PDE4B: variants seen among roughly 807,000 people sequenced by gnomAD.
PDE4B encodes the protein phosphodiesterase 4B.
A neutral mutation model predicts 82.2 loss-of-function variants in PDE4B; 20 were observed. That is an observed-to-expected ratio of 0.24 (90% CI 0.17 to 0.35). The LOEUF is 0.35. Among genes scored for constraint, PDE4B ranks in the 10% least tolerant of loss-of-function variants. The pLI, the probability that PDE4B is intolerant of heterozygous loss-of-function variation, is 1.00. For synonymous variants in PDE4B, 320 were observed against 318.9 expected (o/e 1.00, Z -0.04); for missense variants, 655 against 907.2 (o/e 0.72, Z 3.57).
chr1:66,305,663 A>G (rs1658221815), intron 7 of PDE4B, among the ~76,000 whole-genome samples: 1 of 152,108 alleles, frequency 6.6e-6, no homozygotes, highest in Non-Finnish European at 1.5e-5. Flanking sequence ...GAAGCAATTT[A>G]ATTTGGTGTT....
At chr1:66,252,844 TAGC>T (rs1329338148) in intron 4 of PDE4B, among the ~76,000 whole-genome samples, 1 of 152,118 alleles carries the variant, frequency 6.6e-6, no homozygotes, top group Non-Finnish European at 1.5e-5. Context: ...GAGGCTGAGA[TAGC>T]AGGATCACTT....
intron 9 of PDE4B, among the ~76,000 whole-genome samples, chr1:66,361,310 A>G (rs1662750378): frequency 6.6e-6 from 1 of 152,140 alleles, no homozygotes; most frequent in African/African-American, 2.4e-5. Flanking sequence ...CCCCTAAATT[A>G]CACTGAAAAC....
In PDE4B at chr1:66,374,137, T is replaced by C. The variant is rs1217394897; in HGVS notation, c.*1459T>C. ...ACTACATTTGCTCACAGATGATTCT[T>C]CTGAATGCTCCCGAACTACTGACTT... On this transcript the variant is annotated 3_prime_UTR_variant, in exon 17 of 17. Transcript: ENST00000341517. The C allele has an allele frequency of 6.6e-6, 1 of 152,660 alleles. No homozygotes were observed. The highest frequency in any genetic ancestry group is 1.5e-5 in the Non-Finnish European group (1 of 68,034). The allele number at this position is 152,660 out of a possible 1,614,324, so 9.5% of individuals were successfully genotyped here.
intron 3 of PDE4B, among the ~76,000 whole-genome samples, chr1:66,117,688 C>A (rs1259320242): frequency 6.6e-6 from 1 of 152,084 alleles, no homozygotes; most frequent in Non-Finnish European, 1.5e-5. Context: ...TTCTGGGATC[C>A]TGGCAGTCCA....
At chr1:66,048,285 T>G (rs568939171) in intron 3 of PDE4B, among the ~76,000 whole-genome samples, 1 of 151,984 alleles carries the variant, frequency 6.6e-6, no homozygotes, top group Admixed American at 6.6e-5. Context: ...CTCCAAGTCT[T>G]ATAGATGAGC....
intron 1 of PDE4B, among the ~76,000 whole-genome samples, chr1:65,903,600 T>A (rs943185782): frequency 3.6e-4 from 55 of 152,014 alleles, no homozygotes; most frequent in Non-Finnish European, 7.4e-5. Flanking sequence ...TTAAAAAATT[T>A]AAAAAAACAA....
At chr1:66,308,362 T>C (rs1658431793) in intron 7 of PDE4B, among the ~76,000 whole-genome samples, 1 of 152,164 alleles carries the variant, frequency 6.6e-6, no homozygotes, top group Admixed American at 6.5e-5. Context: ...AAGTATCATA[T>C]GCAGAGAGAA....
chr1:66,267,096 T>C (rs1655107748), intron 7 of PDE4B: 2 of 154,182 alleles, frequency 1.3e-5, no homozygotes, highest in Admixed American at 1.3e-4. Context: ...TATTGGCTCA[T>C]TGGCTTCTGA....
chr1:66,189,104 G>T (rs1234855632), intron 3 of PDE4B, among the ~76,000 whole-genome samples: 5 of 151,844 alleles, frequency 3.3e-5, no homozygotes, highest in Non-Finnish European at 7.4e-5. Context: ...GCTTAGTTTG[G>T]CTGGATATGA....
chr1:66,332,703 A>C, intron 8 of PDE4B, 83 bp downstream of exon 8: 1 of 1,069,436 alleles, frequency 9.4e-7, no homozygotes, highest in Non-Finnish European at 1.4e-6. Flanking sequence ...AGCAGAGTGC[A>C]CCAGGGAATG....
At chr1:66,108,135 C>T (rs1365285030) in intron 3 of PDE4B, among the ~76,000 whole-genome samples, 1 of 151,892 alleles carries the variant, frequency 6.6e-6, no homozygotes, top group African/African-American at 2.4e-5. Context: ...AAAGAGTCAT[C>T]AGGCTGTGCA....
At chr1:65,969,835 G>C (rs1336060357) in intron 3 of PDE4B, among the ~76,000 whole-genome samples, 1 of 151,714 alleles carries the variant, frequency 6.6e-6, no homozygotes, top group Non-Finnish European at 1.5e-5. Context: ...GCAGAGTTTT[G>C]CTTTGAATTG....
chr1:66,290,143 A>T (rs1345016286), intron 7 of PDE4B, among the ~76,000 whole-genome samples: 1 of 152,186 alleles, frequency 6.6e-6, no homozygotes, highest in Non-Finnish European at 1.5e-5. Context: ...TCAACACAGC[A>T]GAGAAAAGAT....
chr1:66,133,714 T>C (rs1645998409), intron 3 of PDE4B, among the ~76,000 whole-genome samples: 1 of 152,148 alleles, frequency 6.6e-6, no homozygotes, highest in Admixed American at 6.5e-5. Flanking sequence ...CTTCCTTTGA[T>C]CCTCTCTGCC....
chr1:66,132,719 T>C (rs1645975265), intron 3 of PDE4B, among the ~76,000 whole-genome samples: 1 of 152,242 alleles, frequency 6.6e-6, no homozygotes, highest in Admixed American at 6.5e-5. Context: ...TGAAATTGTG[T>C]ACCTCAGACC....
intron 1 of PDE4B, among the ~76,000 whole-genome samples, chr1:65,849,710 G>GA (rs141384108): frequency 0.072 from 10,925 of 151,482 alleles, 673 homozygotes; most frequent in East Asian, 0.34. Flanking sequence ...TGCAGAAAAA[G>GA]AAAAAAAACA....
intron 3 of PDE4B, among the ~76,000 whole-genome samples, chr1:65,978,365 C>T (rs922455826): frequency 6.6e-6 from 1 of 152,064 alleles, no homozygotes; most frequent in Non-Finnish European, 1.5e-5. Flanking sequence ...CTTATTAGTT[C>T]ACTTGAATTG....
intron 3 of PDE4B, among the ~76,000 whole-genome samples, chr1:65,941,739 T>C (rs908230311): frequency 4.6e-5 from 7 of 152,128 alleles, no homozygotes; most frequent in African/African-American, 1.7e-4. Context: ...CTCATATACT[T>C]ATTTTTTTGT....
At chr1:66,336,498 C>T (rs1390592626) in intron 8 of PDE4B, among the ~76,000 whole-genome samples, 1 of 152,178 alleles carries the variant, frequency 6.6e-6, no homozygotes, top group Non-Finnish European at 1.5e-5. Flanking sequence ...AGCAACTAGT[C>T]ACTGTCTTCA....
Sources: gnomAD v4.1 joint callset for allele counts (sites outside exome capture counted in the v4.1 genomes callset) on GRCh38, gnomAD v4.1.1 for gene constraint, MANE v1.5 for transcripts, NCBI Gene and HGNC (gene_info 2026-07-23, HGNC 2026-07-21) for gene names.